DNAAF1: variants seen among roughly 807,000 people sequenced by gnomAD.
DNAAF1 encodes the protein dynein axonemal assembly factor 1.
Under a neutral mutation model 71.1 loss-of-function variants are expected in DNAAF1, and 65 were observed. The observed-to-expected ratio is 0.91, with a 90% CI of 0.75 to 1.12. The LOEUF (loss-of-function observed/expected upper bound fraction) is 1.12, where lower values mean the gene tolerates loss of function less well. DNAAF1 is among the 50% of genes most tolerant of loss of function. DNAAF1 has a pLI of 0.00. For missense variants in DNAAF1, 1,178 were observed against 899.8 expected (o/e 1.31, Z -3.96); for synonymous variants, 414 against 354.6 (o/e 1.17, Z -1.88).
Position 84,175,878 on chromosome 16 carries a change from G to C in DNAAF1, c.1699-55G>C, listed in dbSNP as rs988456321. 2.5e-6 allele frequency: 4 copies of C among 1,599,550 alleles called. No individual in the cohort carries two copies. In the African/African-American group the frequency reaches 5.3e-5, roughly 21 times the overall value. The stretch of plus-strand genomic sequence containing the variant: ...AGCAGAACTGGCATGGTGCATTGTA[G>C]AGCGATTCTGTTGTGAAAACAGAAA... On this transcript the variant is annotated intron_variant, in intron 10 of 11. Transcript: ENST00000378553.
Position 84,177,769 on chromosome 16 carries a change from C to CG in DNAAF1, c.2108dup (p.Val704SerfsTer30), listed in dbSNP as rs1567574316. ...CCGCCACACCCCCAGAGACGTGTGT[C>CG]GGAGTTGCCCAGCCCAGCCAAGCTC... On this transcript the variant is annotated frameshift_variant, in exon 12 of 12. Transcript: ENST00000378553. LOFTEE classifies it low-confidence loss of function (END_TRUNC). The CG allele has an allele frequency of 6.2e-7, 1 of 1,614,056 alleles. No homozygotes were observed. The highest frequency in any genetic ancestry group is 1.1e-5 in the South Asian group (1 of 91,078).
At chr16:84,149,414 G>A (rs922024741) in intron 2 of DNAAF1, among the ~76,000 whole-genome samples, 3 of 152,122 alleles carry the variant, frequency 2.0e-5, no homozygotes, top group Admixed American at 6.5e-5. Context: ...TTTTTAGGCC[G>A]GGCGCAGTGG....
rs1405271856 is a variant in DNAAF1, at chr16:84,176,259, T to C, written c.2025T>C (p.Ser675=). 2.5e-6 allele frequency: 4 copies of C among 1,613,476 alleles called. No homozygotes were observed. The highest frequency in any genetic ancestry group is 3.4e-6 in the Non-Finnish European group (4 of 1,180,004). ...GAGATGCTGCACCACTCACTTCCAG[T>C]GGAGACAGGGACAGCGACTTCCTTG... ...CQRDAAPLTS[S]GDRDSDFLAA... is the part of the protein sequence containing the mutation. Residue 675 remains serine (S), a synonymous_variant, in exon 11 of 12, where the codon AGT becomes AGC. Transcript: ENST00000378553.
At position 84,145,361 on chromosome 16, in the gene DNAAF1, C is replaced by G. The variant is rs2086849318; in HGVS notation, c.-80C>G. On this transcript the variant is annotated 5_prime_UTR_variant, in exon 1 of 12. Transcript: ENST00000378553. ...AAGAAGGAAAGAGGGTACTCTCTGG[C>G]TGGGCTGGGGCCGTAGCGACGTCCG... The G allele has an allele frequency of 6.5e-7, 1 of 1,543,008 alleles. No individual in the cohort carries two copies. The highest frequency in any genetic ancestry group is 8.7e-7 in the Non-Finnish European group (1 of 1,145,702).
Position 84,150,318 on chromosome 16 carries a change from G to A in DNAAF1, c.328G>A (p.Asp110Asn), listed in dbSNP as rs2087124481. 1 of 1,613,504 alleles carries A rather than the reference G, an allele frequency of 6.2e-7. No individual in the cohort carries two copies. Among genetic ancestry groups the A allele is most frequent in the South Asian group, 1.1e-5 (1 of 91,072 alleles). Residue 110 changes from aspartate to asparagine, a missense_variant, in exon 3 of 12, where the codon GAT (aspartate) becomes AAT (asparagine). Physicochemically the swap from Asp to Asn is conservative, Grantham distance 23 (BLOSUM62 1). Coordinates refer to ENST00000378553, the MANE Select transcript of DNAAF1 (RefSeq NM_178452.6). Reference protein sequence around the residue: ...HKLYITPALNDTLYLHFKGFD... With the variant: ...HKLYITPALNNTLYLHFKGFD... ...GCTTTATATTACCCCAGCATTGAAT[G>A]ATACGCTGTATTTACACTTTAAAGG... is the stretch of plus-strand genomic sequence containing the variant.
chr16:84,145,518 G>A lies in DNAAF1; in HGVS notation c.78G>A (p.Glu26=), dbSNP rs957707667. 2.4e-5 allele frequency: 38 copies of A among 1,558,044 alleles called. No individual in the cohort carries two copies. Among genetic ancestry groups the A allele is most frequent in the Non-Finnish European group, 3.3e-5 (38 of 1,150,704 alleles). ...GCGCGCAGGAGCCCGGCGTGGAGGA[G>A]TCTGCGGGTGACCACGGGAGCGCAG... ...LDCAQEPGVE[E]SAGDHGSAGR... The change falls in exon 1 of 12, where the codon GAG becomes GAA. Residue 26 remains glutamate (E), a synonymous_variant. Transcript: ENST00000378553.
rs750216633 is a variant in DNAAF1 at position 84,165,921 on chromosome 16, G to C, written c.1002G>C (p.Arg334Ser). The change falls in exon 7 of 12, where the codon AGG (arginine) becomes AGC (serine). Residue 334 changes from arginine to serine, a missense_variant. By Grantham distance (110) the Arg-to-Ser change is moderately radical. Coordinates refer to ENST00000378553, the MANE Select transcript of DNAAF1 (RefSeq NM_178452.6). ...LAMIKQRAEE[R>S]KRQRESQERG... Reference sequence around the variant, plus strand: ...TGATCAAGCAGCGGGCAGAGGAGAGGAAAAGACAGAGAGAGAGTCAAGAGA... The same window carrying C: ...TGATCAAGCAGCGGGCAGAGGAGAGCAAAAGACAGAGAGAGAGTCAAGAGA... The C allele has an allele frequency of 6.2e-7, 1 of 1,613,298 alleles. No homozygotes were observed. Among genetic ancestry groups the C allele is most frequent in the Non-Finnish European group, 8.5e-7 (1 of 1,179,934 alleles).
At chr16:84,154,980 C>T (rs1403859295) in intron 4 of DNAAF1, among the ~76,000 whole-genome samples, 182 bp downstream of exon 4, 1 of 151,812 alleles carries the variant, frequency 6.6e-6, no homozygotes, top group African/African-American at 2.4e-5. Context: ...GCGATCTCAG[C>T]TCACTGCAAG....
Position 84,169,330 on chromosome 16 carries a change from C to T in DNAAF1, c.1031-529C>T, listed in dbSNP as rs141144799. 6.2e-4 allele frequency among the ~76,000 whole-genome samples: 94 copies of T among 152,000 alleles called. 1 individual carries two copies. The highest frequency in any genetic ancestry group is 1.0e-3 in the Non-Finnish European group (68 of 67,996). Reference sequence around the variant, plus strand: ...TGAACTCCTGATGTCAAATGATCCACCTGCCTGGGCCTCCCAAAATGCTGG... The same window carrying T: ...TGAACTCCTGATGTCAAATGATCCATCTGCCTGGGCCTCCCAAAATGCTGG... On this transcript the variant is annotated intron_variant, in intron 7 of 11. Coordinates refer to ENST00000378553, the MANE Select transcript of DNAAF1 (RefSeq NM_178452.6).
Position 84,155,692 on chromosome 16 carries a change from G to T in DNAAF1, c.684G>T (p.Ser228=), listed in dbSNP as rs200109125. The change falls in exon 5 of 12, where the codon TCG becomes TCT. Residue 228 remains serine, a synonymous_variant. Transcript: ENST00000378553. ...TGAGGCTTTGTGTCCTTGACCTTTC[G>T]CACAACAAGCTGAGTGACCCGGAGA... ...ECLRLCVLDL[S]HNKLSDPEIL... 2.5e-6 allele frequency: 4 copies of T among 1,613,930 alleles called. No homozygotes were observed. The African/African-American group carries it at 4.0e-5, about 16-fold the overall frequency.
intron 1 of DNAAF1, among the ~76,000 whole-genome samples, chr16:84,148,333 T>C (rs556562020): frequency 1.3e-5 from 2 of 152,298 alleles, no homozygotes; most frequent in South Asian, 4.1e-4. Flanking sequence ...TATGGATAGA[T>C]GTAGTTCTAG....
Position 84,176,069 on chromosome 16 carries a change from AC to A in DNAAF1, c.1836del (p.Asp612GlufsTer35), listed in dbSNP as rs1424923088. On this transcript the variant is annotated frameshift_variant, in exon 11 of 12. Transcript: ENST00000378553. LOFTEE classifies it high-confidence loss of function. Reference sequence around the variant, plus strand: ...TCAAATATATTTGCAGTCTCTAAAGACACCTCAAAGGCGGCTCGGGTGCCCT... The same window carrying A: ...TCAAATATATTTGCAGTCTCTAAAGAACCTCAAAGGCGGCTCGGGTGCCCT... ...TLSNIFAVSK[D>X]TSKAARVPFT... 1 of 1,614,114 alleles carries A rather than the reference AC, an allele frequency of 6.2e-7. No homozygotes were observed. Among genetic ancestry groups the A allele is most frequent in the East Asian group, 2.2e-5 (1 of 44,878 alleles).
chr16:84,148,602 T>C (rs1403147615), intron 1 of DNAAF1, among the ~76,000 whole-genome samples: 9 of 115,664 alleles, frequency 7.8e-5, no homozygotes, highest in African/African-American at 1.4e-4. Context: ...CTCTCTTTTT[T>C]TTTTTTTTTT....
At chr16:84,154,502 G>A in intron 3 of DNAAF1, 75 bp from the exon 4 acceptor site, 1 of 1,323,660 alleles carries the variant, frequency 7.6e-7, no homozygotes, top group South Asian at 1.2e-5. Context: ...CTAATAGTAG[G>A]CAAAAACAAG....
At chr16:84,156,319 C>G (rs570091313) in intron 5 of DNAAF1, among the ~76,000 whole-genome samples, 1 of 152,332 alleles carries the variant, frequency 6.6e-6, no homozygotes, top group South Asian at 2.1e-4. Flanking sequence ...TACCCACATT[C>G]TGGATTTAGC....
chr16:84,169,631 G>T (rs1052057942), intron 7 of DNAAF1, among the ~76,000 whole-genome samples: 5 of 151,958 alleles, frequency 3.3e-5, no homozygotes, highest in Non-Finnish European at 2.9e-5. Context: ...ATGTTGGCCA[G>T]CCTGGTTTTG....
chr16:84,159,370 A>G (rs1263191898), intron 5 of DNAAF1, among the ~76,000 whole-genome samples: 1 of 152,214 alleles, frequency 6.6e-6, no homozygotes, highest in Non-Finnish European at 1.5e-5. Context: ...CAAAACTAAT[A>G]TAATCAACTG....
intron 9 of DNAAF1, chr16:84,172,734 TGA>T (rs2088432120): frequency 8.5e-7 from 1 of 1,173,346 alleles, no homozygotes; most frequent in Admixed American, 3.9e-5. Context: ...AAATTCGTGG[TGA>T]GAGTTACATT....
At chr16:84,156,616 G>A (rs1219295967) in intron 5 of DNAAF1, among the ~76,000 whole-genome samples, 1 of 152,130 alleles carries the variant, frequency 6.6e-6, no homozygotes, top group Admixed American at 6.6e-5. Context: ...AGTCACTGAT[G>A]AACATTGCCT....
Sources: allele counts gnomAD v4.1 joint callset (sites outside exome capture counted in the v4.1 genomes callset), GRCh38; gene constraint gnomAD v4.1.1; transcripts MANE v1.5; gene names NCBI Gene and HGNC (gene_info 2026-07-23, HGNC 2026-07-21).